MGLL: variants seen among roughly 807,000 people sequenced by gnomAD.
MGLL encodes monoglyceride lipase.
MGLL carries 7 observed loss-of-function variants against 29.1 expected under a neutral mutation model. That is an observed-to-expected ratio of 0.24 (90% CI 0.14 to 0.45). The LOEUF is 0.45. MGLL is among the 20% of genes least tolerant of loss of function. MGLL has a pLI of 0.99. For missense variants in MGLL, 356 were observed against 413.6 expected, an observed-to-expected ratio of 0.86 and a Z score of 1.21; for synonymous variants, 148 against 168.3, an observed-to-expected ratio of 0.88 and a Z score of 0.93.
chr3:127,717,371 C>T (rs767974032), intron 5 of MGLL, among the ~76,000 whole-genome samples: 5 of 152,194 alleles, frequency 3.3e-5, no homozygotes, highest in Non-Finnish European at 7.4e-5. Flanking sequence ...TCCTGGCATG[C>T]TAGCTGGTCT....
At chr3:127,695,843 T>C (rs1351065953) in intron 6 of MGLL, among the ~76,000 whole-genome samples, 2 of 152,260 alleles carry the variant, frequency 1.3e-5, no homozygotes, top group Admixed American at 6.5e-5. Context: ...TATTAAAAAG[T>C]AGCTCTGCAG....
intron 3 of MGLL, among the ~76,000 whole-genome samples, chr3:127,768,184 C>A (rs1475865830): frequency 6.6e-6 from 1 of 152,194 alleles, no homozygotes; most frequent in Non-Finnish European, 1.5e-5. Flanking sequence ...GTAAAGAACA[C>A]TCCAGGCCTT....
At chr3:127,725,349 T>G (rs1036866636) in intron 3 of MGLL, among the ~76,000 whole-genome samples, 3 of 152,252 alleles carry the variant, frequency 2.0e-5, no homozygotes, top group Non-Finnish European at 2.9e-5. Context: ...AAAAGACATT[T>G]GATTCACATG....
intron 3 of MGLL, among the ~76,000 whole-genome samples, chr3:127,766,539 C>T (rs73862329): frequency 0.011 from 1,644 of 152,220 alleles, 28 homozygotes; most frequent in African/African-American, 0.037. Context: ...CTCCCAACTG[C>T]GCCTTTCTGG....
At chr3:127,696,396 C>CTTTT (rs545853423) in intron 6 of MGLL, among the ~76,000 whole-genome samples, 1,197 of 49,406 alleles carry the variant, frequency 0.024, 292 homozygotes, top group Middle Eastern at 0.12. Flanking sequence ...CCTGATGCTT[C>CTTTT]TTTTTTTTTT....
chr3:127,689,328 C>G lies in MGLL; in HGVS notation c.*2870G>C, dbSNP rs958609093. ...TCCTGTGGGTTTTCAGAGCACCCAC[C>G]AGTGCTCCCTCGGTGAGCCCAGCAC... On this transcript the variant is annotated 3_prime_UTR_variant, in exon 8 of 8. Transcript: ENST00000265052. The G allele has an allele frequency of 1.3e-5, 2 of 152,194 alleles. No homozygotes were observed. Among genetic ancestry groups the G allele is most frequent in the Admixed American group, 6.5e-5 (1 of 15,282 alleles). The allele number at this position is 152,194 out of a possible 1,614,324, so 9.4% of individuals were successfully genotyped here.
chr3:127,799,072 A>C (rs530141290), intron 2 of MGLL, among the ~76,000 whole-genome samples: 39 of 152,326 alleles, frequency 2.6e-4, no homozygotes, highest in African/African-American at 9.1e-4. Context: ...CCATGGACTC[A>C]TTGTTCTCTC....
At chr3:127,756,352 A>G (rs1330182691) in intron 3 of MGLL, among the ~76,000 whole-genome samples, 3 of 152,154 alleles carry the variant, frequency 2.0e-5, no homozygotes, top group Admixed American at 2.0e-4. Flanking sequence ...CATCTTTCCT[A>G]TGCAAATTAA....
intron 3 of MGLL, among the ~76,000 whole-genome samples, chr3:127,755,121 C>T (rs2076638929): frequency 6.6e-6 from 1 of 152,140 alleles, no homozygotes; most frequent in African/African-American, 2.4e-5. Flanking sequence ...CCCACACGGC[C>T]TCGTCAACTA....
intron 2 of MGLL, among the ~76,000 whole-genome samples, chr3:127,809,904 A>C (rs1263977765): frequency 1.3e-5 from 2 of 152,202 alleles, no homozygotes; most frequent in African/African-American, 2.4e-5. Context: ...CCACGGAACC[A>C]CAGAGAAGTA....
At chr3:127,806,579 T>G (rs924260253) in intron 2 of MGLL, among the ~76,000 whole-genome samples, 1 of 151,328 alleles carries the variant, frequency 6.6e-6, no homozygotes, top group Non-Finnish European at 1.5e-5. Context: ...GATAGGTAGA[T>G]GGTAGGTGGA....
chr3:127,761,440 G>T lies in MGLL; in HGVS notation c.262+20349C>A, dbSNP rs536690527. On this transcript the variant is annotated intron_variant, in intron 3 of 7. Coordinates refer to ENST00000265052, the MANE Select transcript of MGLL (RefSeq NM_007283.7). This position sits in a 1 kb window ranked among gnomAD's most constrained non-coding sequence, Gnocchi z 4.6. ...AGGGCTCCTCCTTCTCCAGCAAGCA[G>T]TACTAACCTCCACAGCCAGGGTGGA... Among the ~76,000 whole-genome samples, 44 of 152,352 alleles carry T rather than the reference G, an allele frequency of 2.9e-4. No homozygotes were observed. Among genetic ancestry groups the T allele is most frequent in the Non-Finnish European group, 5.4e-4 (37 of 68,030 alleles).
intron 3 of MGLL, among the ~76,000 whole-genome samples, chr3:127,754,589 G>A (rs1401934894): frequency 6.6e-6 from 1 of 152,228 alleles, no homozygotes; most frequent in African/African-American, 2.4e-5. Context: ...GAGAGGGCTG[G>A]CGGGCTGGGA....
chr3:127,722,704 C>G, intron 3 of MGLL, 138 bp from the exon 4 acceptor site: 2 of 1,223,196 alleles, frequency 1.6e-6, no homozygotes, highest in Non-Finnish European at 2.3e-6. Context: ...TCCAGCCACT[C>G]TTGAACGTTG....
At chr3:127,798,737 C>T (rs910159395) in intron 2 of MGLL, among the ~76,000 whole-genome samples, 1 of 152,190 alleles carries the variant, frequency 6.6e-6, no homozygotes, top group Admixed American at 6.5e-5. Context: ...ATCATCTCCC[C>T]GCACCTTTGT....
At chr3:127,796,160 A>T (rs549238319) in intron 2 of MGLL, among the ~76,000 whole-genome samples, 10 of 152,292 alleles carry the variant, frequency 6.6e-5, no homozygotes, top group African/African-American at 2.4e-4. Flanking sequence ...TTACAAACAC[A>T]TGGCATTTGG....
chr3:127,758,675 C>T (rs1346436448), intron 3 of MGLL, among the ~76,000 whole-genome samples: 1 of 152,156 alleles, frequency 6.6e-6, no homozygotes, highest in Admixed American at 6.5e-5. Flanking sequence ...GGGAAGTCAC[C>T]TGTAATTTTC....
rs565474528 is a variant in MGLL, at chr3:127,695,556, C to A, written c.601-366G>T. ...CCTGACCAACATGGTGAAACCACGT[C>A]TGTATGGGATTTTTTGTATTTTTGT... On this transcript the variant is annotated intron_variant, in intron 6 of 7. Transcript: ENST00000265052. Among the ~76,000 whole-genome samples, 5 of 152,286 alleles carry A rather than the reference C, an allele frequency of 3.3e-5. No individual in the cohort carries two copies. In the East Asian group the frequency reaches 9.7e-4, roughly 29 times the overall value.
intron 1 of MGLL, 182 bp from the exon 2 acceptor site, chr3:127,822,020 C>T (rs2077870591): frequency 2.8e-6 from 2 of 717,222 alleles, no homozygotes; most frequent in Admixed American, 3.1e-5. Context: ...TGAAAAATCC[C>T]ATTTGTTCTT....
Sources: gnomAD v4.1 joint callset for allele counts (sites outside exome capture counted in the v4.1 genomes callset) on GRCh38, gnomAD v4.1.1 for gene constraint, Gnocchi (gnomAD v3.1) non-coding constraint, MANE v1.5 for transcripts, NCBI Gene and HGNC (gene_info 2026-07-23, HGNC 2026-07-21) for gene names.